Variants in DAB1 observed in about 807,000 individuals in gnomAD.
The protein encoded by DAB1 is disabled homolog 1.
A neutral mutation model predicts 64.6 loss-of-function variants in DAB1; 15 were observed. The ratio of observed to expected loss-of-function variants is 0.23; its 90% confidence interval spans 0.16 to 0.36. The LOEUF (loss-of-function observed/expected upper bound fraction) is 0.36, where lower values mean the gene tolerates loss of function less well. Ranked by LOEUF, DAB1 falls within the 10% of genes least tolerant of loss-of-function variation. DAB1 has a pLI of 1.00. For synonymous variants in DAB1, 235 were observed against 251.9 expected, an observed-to-expected ratio of 0.93 and a Z score of 0.64; for missense variants, 596 against 706.7, an observed-to-expected ratio of 0.84 and a Z score of 1.78.
At chr1:57,375,216 T>C (rs1305932020) in intron 1 of DAB1, among the ~76,000 whole-genome samples, 1 of 152,174 alleles carries the variant, frequency 6.6e-6, no homozygotes, top group East Asian at 1.9e-4. Flanking sequence ...CCCCCACAGC[T>C]AAGCACACTC....
intron 9 of DAB1, among the ~76,000 whole-genome samples, chr1:57,035,556 C>G (rs1444781682): frequency 6.6e-6 from 1 of 152,072 alleles, no homozygotes; most frequent in African/African-American, 2.4e-5. Flanking sequence ...AGCAGATGAA[C>G]AAATGCATTT....
At chr1:57,909,060 T>C (rs1416161868) in intron 5 of DAB1, among the ~76,000 whole-genome samples, 1 of 152,164 alleles carries the variant, frequency 6.6e-6, no homozygotes, top group Non-Finnish European at 1.5e-5. Context: ...TCCTTTAGGG[T>C]AGAGGGCAGA....
At chr1:57,118,851 T>G (rs1191609019) in intron 4 of DAB1, among the ~76,000 whole-genome samples, 1 of 151,696 alleles carries the variant, frequency 6.6e-6, no homozygotes, top group Non-Finnish European at 1.5e-5. Context: ...ATGAATAATC[T>G]GGGGTACAGA....
intron 4 of DAB1, among the ~76,000 whole-genome samples, chr1:58,238,127 G>A (rs933961219): frequency 6.6e-6 from 1 of 152,088 alleles, no homozygotes; most frequent in African/African-American, 2.4e-5. Flanking sequence ...CTAGCTATCG[G>A]GATACAAAGA....
intron 1 of DAB1, among the ~76,000 whole-genome samples, chr1:57,336,066 C>T (rs562408432): frequency 2.6e-5 from 4 of 152,350 alleles, no homozygotes; most frequent in East Asian, 1.9e-4. Flanking sequence ...ATGGCATTAA[C>T]GCAGTTGTGC....
chr1:57,803,500 G>A (rs1310136301), intron 6 of DAB1, among the ~76,000 whole-genome samples: 1 of 152,224 alleles, frequency 6.6e-6, no homozygotes, highest in Non-Finnish European at 1.5e-5. Context: ...CACAGAGCAG[G>A]AGGGAAGAGT....
At chr1:58,400,843 T>C (rs1314368821) in intron 3 of DAB1, among the ~76,000 whole-genome samples, 1 of 152,198 alleles carries the variant, frequency 6.6e-6, no homozygotes, top group Non-Finnish European at 1.5e-5. Context: ...GTTTTGGGAA[T>C]AATTACGCAT....
chr1:58,380,942 C>G (rs1195379926), intron 3 of DAB1, among the ~76,000 whole-genome samples: 1 of 152,166 alleles, frequency 6.6e-6, no homozygotes, highest in Non-Finnish European at 1.5e-5. Flanking sequence ...ACATATACAC[C>G]ATGGAATACT....
chr1:58,387,468 G>T (rs1644441849), intron 3 of DAB1, among the ~76,000 whole-genome samples: 1 of 152,124 alleles, frequency 6.6e-6, no homozygotes, highest in African/African-American at 2.4e-5. Context: ...AAGAACAATG[G>T]CCCAAGACAA....
At chr1:58,361,610 T>C (rs575978875) in intron 3 of DAB1, among the ~76,000 whole-genome samples, 1 of 152,178 alleles carries the variant, frequency 6.6e-6, no homozygotes, top group South Asian at 2.1e-4. Flanking sequence ...GTTCGGGGAC[T>C]TTGCAGCCTT....
chr1:57,337,340 C>T (rs887904775), intron 1 of DAB1, among the ~76,000 whole-genome samples: 3 of 152,226 alleles, frequency 2.0e-5, no homozygotes, highest in Admixed American at 1.3e-4. Flanking sequence ...GTATCCCTTG[C>T]CCTGTTCCAG....
At chr1:57,103,491 G>A (rs181486869) in intron 4 of DAB1, among the ~76,000 whole-genome samples, 12 of 152,268 alleles carry the variant, frequency 7.9e-5, no homozygotes, top group South Asian at 2.1e-4. Context: ...ACGTTTAAAT[G>A]AGATCACCCT....
At chr1:58,156,028 TAA>T (rs1655207531) in intron 4 of DAB1, among the ~76,000 whole-genome samples, 1 of 152,262 alleles carries the variant, frequency 6.6e-6, no homozygotes, top group Admixed American at 6.5e-5. Flanking sequence ...CTGACTTTGT[TAA>T]AAGTGCAAGT....
chr1:57,681,799 TAA>T (rs1003557439), intron 6 of DAB1, among the ~76,000 whole-genome samples: 3 of 152,042 alleles, frequency 2.0e-5, no homozygotes, highest in African/African-American at 7.2e-5. Context: ...CTTGGGAAAG[TAA>T]GTGTGATAGA....
chr1:58,306,578 T>G (rs966267536), intron 4 of DAB1, among the ~76,000 whole-genome samples: 3 of 152,132 alleles, frequency 2.0e-5, no homozygotes, highest in African/African-American at 2.4e-5. Flanking sequence ...GCCGCAGGGT[T>G]TCTCCAGCAC....
At chr1:57,032,763 A>G (rs991949504) in intron 9 of DAB1, among the ~76,000 whole-genome samples, 16 of 152,204 alleles carry the variant, frequency 1.1e-4, no homozygotes, top group African/African-American at 3.4e-4. Flanking sequence ...TTTGTCCTAG[A>G]GGTTTCCCAA....
At chr1:58,159,767 A>G (rs1202793070) in intron 4 of DAB1, among the ~76,000 whole-genome samples, 1 of 152,178 alleles carries the variant, frequency 6.6e-6, no homozygotes, top group Admixed American at 6.5e-5. Flanking sequence ...ACACAGGTTA[A>G]CTCACTGTGA....
intron 5 of DAB1, among the ~76,000 whole-genome samples, chr1:57,949,519 G>A (rs1456688037): frequency 3.4e-5 from 5 of 146,162 alleles, no homozygotes; most frequent in African/African-American, 1.3e-4. Flanking sequence ...ATATCTGTCT[G>A]TCTGTCTGTC....
chr1:58,300,932 T>C (rs1177953652), intron 4 of DAB1, among the ~76,000 whole-genome samples: 4 of 151,988 alleles, frequency 2.6e-5, no homozygotes, highest in Admixed American at 1.3e-4. Context: ...AGGGAGAGAT[T>C]TTCCTCATTG....
Sources: gnomAD v4.1 joint callset for allele counts (sites outside exome capture counted in the v4.1 genomes callset) on GRCh38, gnomAD v4.1.1 for gene constraint, MANE v1.5 for transcripts, NCBI Gene and HGNC (gene_info 2026-07-23, HGNC 2026-07-21) for gene names.